Variants in IRAK2 observed in about 807,000 individuals in gnomAD.
IRAK2 encodes the protein interleukin-1 receptor-associated kinase-like 2.
IRAK2 carries 57 observed loss-of-function variants against 72.0 expected under a neutral mutation model. The ratio of observed to expected loss-of-function variants is 0.79; its 90% CI spans 0.64 to 0.99. The LOEUF (loss-of-function observed/expected upper bound fraction) is 0.99. Among genes scored for constraint, IRAK2 ranks in the 50% least tolerant of loss-of-function variants. The pLI, the probability that IRAK2 is intolerant of heterozygous loss-of-function variation, is 0.00. For synonymous variants in IRAK2, 293 were observed against 312.7 expected (o/e 0.94, Z 0.67); for missense variants, 790 against 794.4 (o/e 0.99, Z 0.07).
chr3:10,182,058 C>A (rs1366969686), intron 2 of IRAK2, among the ~76,000 whole-genome samples: 1 of 150,998 alleles, frequency 6.6e-6, no homozygotes, highest in Non-Finnish European at 1.5e-5. Context: ...ACCTCTGCCT[C>A]CCAGGTTCAA....
intron 9 of IRAK2, among the ~76,000 whole-genome samples, chr3:10,224,336 CAAAAAA>C (rs202221336): frequency 2.5e-5 from 3 of 121,830 alleles, no homozygotes; most frequent in Admixed American, 8.4e-5. Flanking sequence ...GATTCTGTCT[CAAAAAA>C]AAAAAAAAAG....
chr3:10,180,569 G>A (rs1187798075), intron 2 of IRAK2, among the ~76,000 whole-genome samples: 1 of 152,112 alleles, frequency 6.6e-6, no homozygotes, highest in African/African-American at 2.4e-5. Flanking sequence ...AGTGGTGGGA[G>A]CCCCAGACAC....
intron 6 of IRAK2, among the ~76,000 whole-genome samples, chr3:10,215,173 G>C (rs907688557): frequency 8.6e-5 from 13 of 151,802 alleles, no homozygotes; most frequent in Non-Finnish European, 1.3e-4. Context: ...GATCAGTTGA[G>C]GTCAGGAGTT....
intron 7 of IRAK2, 140 bp from the exon 8 acceptor site, chr3:10,219,540 G>C (rs917630643): frequency 1.6e-6 from 1 of 628,074 alleles, no homozygotes; most frequent in Admixed American, 2.5e-5. Flanking sequence ...GGATGGTCTC[G>C]ATCTCCTGAA....
At chr3:10,202,243 A>G (rs1697370490) in intron 3 of IRAK2, among the ~76,000 whole-genome samples, 1 of 152,200 alleles carries the variant, frequency 6.6e-6, no homozygotes, top group African/African-American at 2.4e-5. Flanking sequence ...AAATAGGGAA[A>G]TTGTAGGGGC....
At chr3:10,204,188 G>A (rs1421015637) in intron 3 of IRAK2, among the ~76,000 whole-genome samples, 1 of 152,158 alleles carries the variant, frequency 6.6e-6, no homozygotes, top group Non-Finnish European at 1.5e-5. Flanking sequence ...CTTTTTACCT[G>A]GACAAGAAAC....
intron 10 of IRAK2, among the ~76,000 whole-genome samples, chr3:10,233,553 A>T (rs888413725): frequency 2.0e-5 from 3 of 152,190 alleles, no homozygotes; most frequent in African/African-American, 7.2e-5. Context: ...TATAAAATAT[A>T]TGTAAATACA....
intron 1 of IRAK2, among the ~76,000 whole-genome samples, chr3:10,169,039 G>T (rs868169913): frequency 2.0e-5 from 3 of 152,170 alleles, no homozygotes; most frequent in Non-Finnish European, 4.4e-5. Flanking sequence ...TTACATCTAG[G>T]CCTCTGGGGG....
At chr3:10,213,655 C>T in intron 6 of IRAK2, 107 bp downstream of exon 6, 1 of 827,266 alleles carries the variant, frequency 1.2e-6, no homozygotes, top group Non-Finnish European at 2.0e-6. Context: ...CTCATTTAGT[C>T]CTTACAAGAA....
chr3:10,221,225 T>C (rs570782937), intron 8 of IRAK2, among the ~76,000 whole-genome samples: 352 of 145,186 alleles, frequency 2.4e-3, no homozygotes, highest in African/African-American at 8.1e-3. Context: ...ACCTCGTCTC[T>C]ACTAAAAATA....
intron 2 of IRAK2, among the ~76,000 whole-genome samples, chr3:10,189,354 G>C (rs562155798): frequency 2.6e-5 from 4 of 152,372 alleles, no homozygotes; most frequent in African/African-American, 9.6e-5. Context: ...AGGCCACCCA[G>C]TGCCATGCAG....
At chr3:10,241,573 A>AAATAAATG (rs1344389489) in intron 12 of IRAK2, among the ~76,000 whole-genome samples, 1 of 147,086 alleles carries the variant, frequency 6.8e-6, no homozygotes, top group Non-Finnish European at 1.5e-5. Flanking sequence ...AATGATAAAT[A>AAATAAATG]AATAAATAAA....
Position 10,217,039 on chromosome 3 carries a change from G to T in IRAK2, c.894G>T (p.Leu298=), listed in dbSNP as rs754307853. ...YMANGSLQDR[L]QGQGGSDPLP... ...CAAATGGTTCCCTACAGGACAGACTGCAGGGTCAGGTAAGGGACTGGGTCA... is the reference window on the plus strand; with the variant it reads ...CAAATGGTTCCCTACAGGACAGACTTCAGGGTCAGGTAAGGGACTGGGTCA... The change falls in exon 7 of 13, where the codon CTG becomes CTT. Residue 298 remains leucine (L), a synonymous_variant. Transcript: ENST00000256458. 2.5e-6 allele frequency: 4 copies of T among 1,610,254 alleles called. No homozygotes were observed. The highest frequency in any genetic ancestry group is 3.4e-6 in the Non-Finnish European group (4 of 1,176,512).
In IRAK2 at chr3:10,238,733, T is replaced by C. The variant is rs769224065; in HGVS notation, c.1474-15T>C. On this transcript the variant is annotated splice_polypyrimidine_tract_variant and intron_variant, in intron 11 of 12. Coordinates refer to ENST00000256458, the MANE Select transcript of IRAK2 (RefSeq NM_001570.4). ...AGAATTCCTGATGAGCTCCCTTCTC[T>C]CTCTTCTCCCAAAGGTGTGTGGCTC... 10 of 1,609,638 alleles carry C rather than the reference T, an allele frequency of 6.2e-6. No individual in the cohort carries two copies. In the Admixed American group the frequency reaches 8.4e-5, roughly 14 times the overall value.
At chr3:10,228,898 G>A (rs185034906) in intron 10 of IRAK2, among the ~76,000 whole-genome samples, 1 of 152,068 alleles carries the variant, frequency 6.6e-6, no homozygotes, top group East Asian at 1.9e-4. Flanking sequence ...ATGCACACAT[G>A]TGAGGAGAGG....
intron 9 of IRAK2, among the ~76,000 whole-genome samples, chr3:10,225,490 A>G (rs1171299232): frequency 6.6e-6 from 1 of 152,180 alleles, no homozygotes; most frequent in African/African-American, 2.4e-5. Context: ...TGGTTTGCCA[A>G]TTTTGTGGTG....
chr3:10,165,708 C>G (rs1003305177), intron 1 of IRAK2, among the ~76,000 whole-genome samples: 2 of 138,070 alleles, frequency 1.4e-5, no homozygotes, highest in Admixed American at 1.5e-4. Context: ...GTTGGCCAGA[C>G]TGGTCTTGAA....
intron 12 of IRAK2, 127 bp from the exon 13 acceptor site, chr3:10,241,975 TAAAAAAAAAAGAAA>T (rs1161594329): frequency 2.2e-5 from 8 of 361,352 alleles, no homozygotes; most frequent in South Asian, 6.2e-5. Flanking sequence ...CCTGTCTCGA[TAAAAAAAAAAGAAA>T]AAAAAAAAAA....
chr3:10,212,962 G>T (rs1233643493), intron 4 of IRAK2, among the ~76,000 whole-genome samples: 1 of 151,922 alleles, frequency 6.6e-6, no homozygotes, highest in Non-Finnish European at 1.5e-5. Flanking sequence ...TAGAGACGGG[G>T]TTTCACTGTG....
Sources: allele counts gnomAD v4.1 joint callset (sites outside exome capture counted in the v4.1 genomes callset), GRCh38; gene constraint gnomAD v4.1.1; transcripts MANE v1.5; gene names NCBI Gene and HGNC (gene_info 2026-07-23, HGNC 2026-07-21).